The following MAP2 variants were observed in gnomAD, a reference collection of about 807,000 sequenced individuals.
MAP2 encodes the protein microtubule associated protein 2, also known as microtubule-associated protein 2.
A neutral mutation model predicts 137.6 loss-of-function variants in MAP2; 14 were observed. The observed-to-expected ratio is 0.10, with a 90% CI of 0.07 to 0.16. MAP2 has a LOEUF of 0.16. Ranked by LOEUF, MAP2 falls within the 10% of genes least tolerant of loss-of-function variation. MAP2 has a pLI of 1.00. For synonymous variants in MAP2, 786 were observed against 782.3 expected (o/e 1.00, Z -0.08); for missense variants, 2,088 against 2,191.5 (o/e 0.95, Z 0.94).
intron 11 of MAP2, among the ~76,000 whole-genome samples, chr2:209,704,248 A>G (rs1478775929): frequency 6.6e-6 from 1 of 152,130 alleles, no homozygotes; most frequent in Non-Finnish European, 1.5e-5. Flanking sequence ...TATGACTATT[A>G]TTAAGTTAGT....
At chr2:209,683,874 C>T (rs568447492) in intron 7 of MAP2, among the ~76,000 whole-genome samples, 3 of 152,228 alleles carry the variant, frequency 2.0e-5, no homozygotes, top group Admixed American at 2.0e-4. Flanking sequence ...AATTATCAAA[C>T]TTTTTAAAGC....
chr2:209,539,852 C>A (rs905215552), intron 2 of MAP2, among the ~76,000 whole-genome samples: 1 of 148,198 alleles, frequency 6.7e-6, no homozygotes, highest in Non-Finnish European at 1.5e-5. Context: ...AATCCCAGCA[C>A]TTTGGGAGAC....
chr2:209,701,987 A>T (rs1243907661), intron 11 of MAP2, among the ~76,000 whole-genome samples: 1 of 152,106 alleles, frequency 6.6e-6, no homozygotes, highest in Non-Finnish European at 1.5e-5. Context: ...TAGTTATAAA[A>T]ATTAAATGTA....
intron 3 of MAP2, among the ~76,000 whole-genome samples, chr2:209,597,861 G>A (rs1156513357): frequency 6.6e-6 from 1 of 151,742 alleles, no homozygotes; most frequent in East Asian, 1.9e-4. Context: ...CTCAGATTAA[G>A]CCTCTCATCC....
Position 209,692,814 on chromosome 2 carries a change from G to T in MAP2, c.644G>T (p.Gly215Val). The change falls in exon 8 of 16, where the codon GGC becomes GTC. Residue 215 changes from glycine to valine, a missense_variant. By Grantham distance (109) the Gly-to-Val change is moderately radical. Coordinates refer to ENST00000682079, the MANE Select transcript of MAP2 (RefSeq NM_001375505.1). ...TACCCTGATAAAAAGGACATGCAAG[G>T]CACGGAAGAAGAAAAAGCACCCCTA... is the stretch of plus-strand genomic sequence containing the variant. ...KTYPDKKDMQ[G>V]TEEEKAPLAL... The T allele has an allele frequency of 6.2e-7, 1 of 1,612,980 alleles. No individual in the cohort carries two copies. The highest frequency in any genetic ancestry group is 8.5e-7 in the Non-Finnish European group (1 of 1,179,726).
At chr2:209,500,337 G>T (rs2060223838) in intron 1 of MAP2, among the ~76,000 whole-genome samples, 1 of 152,042 alleles carries the variant, frequency 6.6e-6, no homozygotes, top group South Asian at 2.1e-4. Context: ...CTTCTTATGG[G>T]TCATACTCCA....
chr2:209,428,556 A>G (rs1190394070), intron 1 of MAP2, among the ~76,000 whole-genome samples: 17 of 151,648 alleles, frequency 1.1e-4, no homozygotes, highest in Admixed American at 1.0e-3. Flanking sequence ...CAAAATAAAC[A>G]TTGGTCTTTA....
chr2:209,624,268 A>G (rs1361711979), intron 3 of MAP2, among the ~76,000 whole-genome samples: 1 of 152,156 alleles, frequency 6.6e-6, no homozygotes, highest in Non-Finnish European at 1.5e-5. Flanking sequence ...GGTCCTGACA[A>G]AACGCATGGA....
chr2:209,707,825 C>T (rs1308687695), intron 12 of MAP2, among the ~76,000 whole-genome samples: 3 of 151,952 alleles, frequency 2.0e-5, no homozygotes, highest in South Asian at 2.1e-4. Context: ...TAAAGCTTAA[C>T]GTGTTTTCTA....
intron 7 of MAP2, chr2:209,690,880 G>A (rs1258885671): frequency 1.6e-6 from 2 of 1,248,054 alleles, no homozygotes; most frequent in East Asian, 5.6e-5. Flanking sequence ...CATGTGTTTT[G>A]TTGCAAATGA....
At chr2:209,441,084 T>A (rs1291261856) in intron 1 of MAP2, among the ~76,000 whole-genome samples, 2 of 151,572 alleles carry the variant, frequency 1.3e-5, no homozygotes, top group African/African-American at 4.8e-5. Context: ...TTCTAATGCA[T>A]AACCATGTAA....
rs56283066 is a variant in MAP2 at position 209,676,720 on chromosome 2, C to CATAT, written c.263-1803_263-1800dup. Among the ~76,000 whole-genome samples, 356 of 71,632 alleles carry CATAT rather than the reference C, an allele frequency of 5.0e-3. 5 individuals carry two copies. Among genetic ancestry groups the CATAT allele is most frequent in the African/African-American group, 6.5e-3 (77 of 11,898 alleles). The allele number at this position is 71,632 out of a possible 152,430, so 47.0% of individuals were successfully genotyped here. A position where few individuals can be genotyped will look rare whatever the true frequency, so the allele number is the denominator to read the frequency against. ...GGAATGATCCAGAAGACACAAAGGTCATATATATATATATATATATATATA... is the reference window on the plus strand; with the variant it reads ...GGAATGATCCAGAAGACACAAAGGTCATATATATATATATATATATATATATATA... On this transcript the variant is annotated intron_variant, in intron 5 of 15. Coordinates refer to ENST00000682079, the MANE Select transcript of MAP2 (RefSeq NM_001375505.1).
intron 2 of MAP2, among the ~76,000 whole-genome samples, chr2:209,537,716 G>T (rs541059688): frequency 6.6e-6 from 1 of 152,228 alleles, no homozygotes; most frequent in South Asian, 2.1e-4. Context: ...ACATAGTCAT[G>T]GGGTGATTCT....
chr2:209,459,916 A>C (rs1042962524), intron 1 of MAP2, among the ~76,000 whole-genome samples: 1 of 151,848 alleles, frequency 6.6e-6, no homozygotes, highest in Non-Finnish European at 1.5e-5. Context: ...AGTCTCTCCA[A>C]CTCTTAGCCC....
intron 2 of MAP2, among the ~76,000 whole-genome samples, chr2:209,521,104 A>T (rs1017718922): frequency 3.3e-5 from 5 of 152,056 alleles, no homozygotes; most frequent in African/African-American, 1.2e-4. Flanking sequence ...GGCTAAGCTT[A>T]TTTCCAGTAT....
intron 2 of MAP2, among the ~76,000 whole-genome samples, chr2:209,556,936 CAG>C (rs1269798165): frequency 6.6e-6 from 1 of 151,808 alleles, no homozygotes; most frequent in African/African-American, 2.4e-5. Flanking sequence ...AATGGAAATA[CAG>C]AGTTAAGTGC....
At chr2:209,452,847 T>C (rs1261578778) in intron 1 of MAP2, among the ~76,000 whole-genome samples, 1 of 152,222 alleles carries the variant, frequency 6.6e-6, no homozygotes, top group African/African-American at 2.4e-5. Flanking sequence ...AGCATTCTTT[T>C]ATTTAACAAT....
chr2:209,569,006 A>G (rs562369214), intron 2 of MAP2, among the ~76,000 whole-genome samples: 1 of 151,916 alleles, frequency 6.6e-6, no homozygotes, highest in East Asian at 1.9e-4. Flanking sequence ...GATAAAAATA[A>G]ATTTACTAGT....
chr2:209,638,009 G>T (rs999368274), intron 4 of MAP2, among the ~76,000 whole-genome samples: 1 of 152,062 alleles, frequency 6.6e-6, no homozygotes, highest in African/African-American at 2.4e-5. Context: ...TTCCAAATAA[G>T]ATTGGAATAT....
Sources: gnomAD v4.1 joint callset for allele counts (sites outside exome capture counted in the v4.1 genomes callset) on GRCh38, gnomAD v4.1.1 for gene constraint, MANE v1.5 for transcripts, NCBI Gene and HGNC (gene_info 2026-07-23, HGNC 2026-07-21) for gene names.